Variants in EPHA6 observed in about 807,000 individuals in gnomAD.
The protein encoded by EPHA6 is ephrin type-A receptor 6.
In EPHA6, 50 loss-of-function variants were observed where a neutral mutation model predicts 112.0. The ratio of observed to expected loss-of-function variants is 0.45; its 90% CI spans 0.36 to 0.56. EPHA6 has a LOEUF of 0.56. Ranked by LOEUF, EPHA6 falls within the 20% of genes least tolerant of loss-of-function variation. The probability of loss-of-function intolerance (pLI) is 0.00; values close to 1 mark genes in which losing one functional copy is unlikely to be tolerated. For synonymous variants in EPHA6, 529 were observed against 490.7 expected (o/e 1.08, Z -1.03); for missense variants, 1,280 against 1,417.4 (o/e 0.90, Z 1.56).
Position 97,757,922 on chromosome 3 carries a change from T to C in EPHA6, c.*9221T>C, listed in dbSNP as rs551898761. ...AAACCAAGTGTCATAGCACAGTGGC[T>C]AGAAGTTATTCTTTTTGAAGTTATT... On this transcript the variant is annotated 3_prime_UTR_variant, in exon 18 of 18. Coordinates refer to ENST00000389672, the MANE Select transcript of EPHA6 (RefSeq NM_001080448.3). Among the ~76,000 whole-genome samples the C allele has an allele frequency of 1.8e-4, 28 of 152,074 alleles. No individual in the cohort carries two copies. The South Asian group carries it at 5.6e-3, about 30-fold the overall frequency.
In EPHA6 at chr3:97,515,258, A is replaced by G. The variant is rs187946229; in HGVS notation, c.2201-17100A>G. 4.1e-3 allele frequency among the ~76,000 whole-genome samples: 621 copies of G among 152,322 alleles called. 4 individuals are homozygous for G. Among genetic ancestry groups the G allele is most frequent in the African/African-American group, 0.014 (564 of 41,570 alleles). Reference sequence around the variant, plus strand: ...ATGGTTGAATTTGTTTTAGGTTTCAATTGCAGGGTGTGTGTGGCCAAAGGG... The same window carrying G: ...ATGGTTGAATTTGTTTTAGGTTTCAGTTGCAGGGTGTGTGTGGCCAAAGGG... On this transcript the variant is annotated intron_variant, in intron 10 of 17. Transcript: ENST00000389672.
At chr3:97,719,378 T>C (rs1374353701) in intron 14 of EPHA6, among the ~76,000 whole-genome samples, 2 of 152,040 alleles carry the variant, frequency 1.3e-5, no homozygotes, top group Non-Finnish European at 2.9e-5. Flanking sequence ...GAGCCGCTCA[T>C]TGTTCTCTTC....
chr3:97,405,079 A>G, intron 5 of EPHA6, 71 bp from the exon 6 acceptor site: 1 of 1,495,850 alleles, frequency 6.7e-7, no homozygotes, highest in Non-Finnish European at 9.0e-7. Context: ...CTTGGAAGAG[A>G]AAATATTAAA....
intron 12 of EPHA6, among the ~76,000 whole-genome samples, chr3:97,602,454 A>G (rs978704514): frequency 2.6e-5 from 4 of 151,998 alleles, no homozygotes; most frequent in Admixed American, 6.6e-5. Context: ...GTAATGCTTT[A>G]TGCTCCTCAA....
At chr3:96,832,854 A>G (rs2034175518) in intron 1 of EPHA6, among the ~76,000 whole-genome samples, 1 of 151,982 alleles carries the variant, frequency 6.6e-6, no homozygotes, top group African/African-American at 2.4e-5. Context: ...TCCCACATGC[A>G]GTAGTATAAA....
intron 3 of EPHA6, among the ~76,000 whole-genome samples, chr3:97,157,742 G>C (rs1334242279): frequency 1.2e-4 from 18 of 152,130 alleles, no homozygotes; most frequent in Admixed American, 1.2e-3. Flanking sequence ...AGCTCAATCA[G>C]TAAGGCAGGA....
chr3:97,280,607 C>T lies in EPHA6; in HGVS notation c.1606+36320C>T, dbSNP rs78249989. ...ATCTCTATGGTCTCTTCGAGCACAC[C>T]TATAATTTTCAGAACCTGGTGTGTC... On this transcript the variant is annotated intron_variant, in intron 5 of 17. Transcript: ENST00000389672. Among the ~76,000 whole-genome samples the T allele has an allele frequency of 1.4e-3, 209 of 152,168 alleles. 4 individuals are homozygous for T. In the East Asian group the frequency reaches 0.035, roughly 25 times the overall value.
intron 13 of EPHA6, among the ~76,000 whole-genome samples, chr3:97,617,489 G>T (rs1332252347): frequency 6.6e-6 from 1 of 152,098 alleles, no homozygotes; most frequent in Non-Finnish European, 1.5e-5. Context: ...ATGGCAAGCT[G>T]GATAAAGAAC....
At chr3:97,742,238 G>C (rs1027579724) in intron 16 of EPHA6, among the ~76,000 whole-genome samples, 1 of 152,040 alleles carries the variant, frequency 6.6e-6, no homozygotes, top group African/African-American at 2.4e-5. Context: ...ACAACATTTT[G>C]ACAACCACTG....
chr3:97,541,901 T>C (rs1344044274), intron 11 of EPHA6, among the ~76,000 whole-genome samples: 1 of 150,230 alleles, frequency 6.7e-6, no homozygotes, highest in Non-Finnish European at 1.5e-5. Context: ...TAAAGGGGAG[T>C]TAATATTAAG....
chr3:96,999,625 A>G (rs1160645214), intron 3 of EPHA6, among the ~76,000 whole-genome samples: 1 of 151,936 alleles, frequency 6.6e-6, no homozygotes, highest in Non-Finnish European at 1.5e-5. Context: ...CTGCCATGGA[A>G]GAGGAAGACC....
At chr3:97,026,477 G>A (rs961505254) in intron 3 of EPHA6, among the ~76,000 whole-genome samples, 1 of 152,018 alleles carries the variant, frequency 6.6e-6, no homozygotes, top group Non-Finnish European at 1.5e-5. Flanking sequence ...TTCACCTTTT[G>A]ACTTAGCCAT....
intron 3 of EPHA6, among the ~76,000 whole-genome samples, chr3:97,082,607 G>A (rs986742644): frequency 6.6e-6 from 1 of 151,748 alleles, no homozygotes; most frequent in Non-Finnish European, 1.5e-5. Flanking sequence ...CAATTCGAGG[G>A]CAGTTTATTT....
intron 5 of EPHA6, among the ~76,000 whole-genome samples, chr3:97,387,322 T>G (rs1287385290): frequency 6.6e-6 from 1 of 152,026 alleles, no homozygotes; most frequent in Non-Finnish European, 1.5e-5. Context: ...TTCAGTTTTT[T>G]TTTTTTTTTT....
At chr3:97,367,405 C>A (rs1366321646) in intron 5 of EPHA6, among the ~76,000 whole-genome samples, 10 of 152,110 alleles carry the variant, frequency 6.6e-5, no homozygotes, top group South Asian at 2.1e-4. Flanking sequence ...CCCTGGCTCA[C>A]CTCCTGCGTG....
intron 5 of EPHA6, among the ~76,000 whole-genome samples, chr3:97,251,435 C>T (rs1036239864): frequency 5.3e-5 from 8 of 151,890 alleles, no homozygotes. Context: ...GAGGCTGAAT[C>T]AGGAGAATGG....
In EPHA6 at chr3:97,172,799, G is replaced by A. The variant is rs536006044; in HGVS notation, c.1115-53465G>A. ...CTCAACTGGCTTGCTTTGAATAATA[G>A]CATCATCAATTTACTTTTCTGTTGC... On this transcript the variant is annotated intron_variant, in intron 3 of 17. Coordinates refer to ENST00000389672, the MANE Select transcript of EPHA6 (RefSeq NM_001080448.3). 3.9e-5 allele frequency among the ~76,000 whole-genome samples: 6 copies of A among 152,006 alleles called. No homozygotes were observed. In the East Asian group the frequency reaches 1.2e-3, roughly 29 times the overall value.
chr3:97,526,151 T>C (rs571082391), intron 10 of EPHA6, among the ~76,000 whole-genome samples: 1 of 152,292 alleles, frequency 6.6e-6, no homozygotes, highest in South Asian at 2.1e-4. Flanking sequence ...GGCCAATTTA[T>C]AGGGCCATTT....
At chr3:97,534,326 A>T (rs549379723) in intron 11 of EPHA6, among the ~76,000 whole-genome samples, 1 of 152,156 alleles carries the variant, frequency 6.6e-6, no homozygotes, top group East Asian at 1.9e-4. Flanking sequence ...AATTGATATC[A>T]TTATCTACAT....
Sources: gnomAD v4.1 joint callset for allele counts (sites outside exome capture counted in the v4.1 genomes callset) on GRCh38, gnomAD v4.1.1 for gene constraint, MANE v1.5 for transcripts, NCBI Gene and HGNC (gene_info 2026-07-23, HGNC 2026-07-21) for gene names.